Variants in ALX4 observed in about 807,000 individuals in gnomAD.
ALX4 encodes homeobox protein aristaless-like 4.
A neutral mutation model predicts 40.6 loss-of-function variants in ALX4; 22 were observed. The observed-to-expected ratio is 0.54, with a 90% confidence interval of 0.39 to 0.77. ALX4 has a LOEUF of 0.77. Among genes scored for constraint, ALX4 ranks in the 30% least tolerant of loss-of-function variants. ALX4 has a pLI of 0.00. For missense variants in ALX4, 556 were observed against 564.8 expected (o/e 0.98, Z 0.16); for synonymous variants, 266 against 240.5 (o/e 1.11, Z -0.98).
In ALX4 at chr11:44,302,848, G is replaced by C. The variant is rs926337040; in HGVS notation, c.466+6749C>G. Among the ~76,000 whole-genome samples the C allele has an allele frequency of 2.6e-5, 4 of 152,174 alleles. No homozygotes were observed. In the South Asian group the frequency reaches 8.3e-4, roughly 32 times the overall value. ...GTTTCTCCTGGACAAAAATGCGTGTGGGGGTGAGGAGGGAAGACAAAGGGG... is the reference window on the plus strand; with the variant it reads ...GTTTCTCCTGGACAAAAATGCGTGTCGGGGTGAGGAGGGAAGACAAAGGGG... On this transcript the variant is annotated intron_variant, in intron 1 of 3. Transcript: ENST00000652299.
intron 2 of ALX4, among the ~76,000 whole-genome samples, chr11:44,273,946 C>G (rs935481696): frequency 4.6e-5 from 7 of 151,994 alleles, no homozygotes; most frequent in African/African-American, 1.2e-4. Flanking sequence ...GAGAGAGACC[C>G]AGTCTCTTTA....
intron 1 of ALX4, among the ~76,000 whole-genome samples, chr11:44,306,408 G>C (rs574451537): frequency 4.1e-4 from 62 of 152,364 alleles, no homozygotes; most frequent in Non-Finnish European, 8.4e-4. Flanking sequence ...AGCTGCCCGG[G>C]GCACCTTCCT....
intron 2 of ALX4, among the ~76,000 whole-genome samples, chr11:44,269,483 CT>C (rs1452400368): frequency 1.3e-5 from 2 of 152,238 alleles, no homozygotes; most frequent in Admixed American, 6.5e-5. Flanking sequence ...TACCAACTCA[CT>C]TTCCCCTCCC....
intron 1 of ALX4, among the ~76,000 whole-genome samples, chr11:44,280,101 A>T (rs1956300595): frequency 6.6e-6 from 1 of 152,204 alleles, no homozygotes. Flanking sequence ...GGATACATTG[A>T]AAAAGGGCAC....
At chr11:44,282,512 C>T (rs368964767) in intron 1 of ALX4, among the ~76,000 whole-genome samples, 38 of 152,280 alleles carry the variant, frequency 2.5e-4, no homozygotes, top group African/African-American at 8.9e-4. Flanking sequence ...GAGAGGAACC[C>T]AAACCCATAG....
intron 2 of ALX4, among the ~76,000 whole-genome samples, chr11:44,269,384 A>G (rs1956231816): frequency 6.6e-6 from 1 of 152,186 alleles, no homozygotes; most frequent in African/African-American, 2.4e-5. Flanking sequence ...TAGAGGAAAG[A>G]GGTCAAGGAA....
At chr11:44,285,684 C>CTT (rs774475513) in intron 1 of ALX4, among the ~76,000 whole-genome samples, 185 of 144,458 alleles carry the variant, frequency 1.3e-3, no homozygotes, top group African/African-American at 4.2e-3. Context: ...CTTGTCTTTC[C>CTT]TTTTTTTTTT....
chr11:44,298,006 A>G (rs981836436), intron 1 of ALX4, among the ~76,000 whole-genome samples: 25 of 152,304 alleles, frequency 1.6e-4, no homozygotes, highest in Non-Finnish European at 3.2e-4. Flanking sequence ...GGCATGTAGC[A>G]CATTCTAACC....
Position 44,267,555 on chromosome 11 carries a change from C to G in ALX4, c.845G>C (p.Arg282Pro), listed in dbSNP as rs144440589. ...RERFGQMQQVRTHFSTAYELP... is the reference protein window; with the variant it reads ...RERFGQMQQVPTHFSTAYELP... Reference sequence around the variant, plus strand: ...CTCATATGCAGTGGAGAAGTGGGTTCGAACCTGCTGCATCTGCCCAAAACG... The same window carrying G: ...CTCATATGCAGTGGAGAAGTGGGTTGGAACCTGCTGCATCTGCCCAAAACG... Residue 282 changes from arginine to proline, a missense_variant, in exon 3 of 4, where the codon CGA (arginine) becomes CCA (proline). Physicochemically the swap from Arg to Pro is moderately radical, Grantham distance 103. Transcript: ENST00000652299. 3.1e-6 allele frequency: 5 copies of G among 1,614,006 alleles called. No individual in the cohort carries two copies. The highest frequency in any genetic ancestry group is 2.2e-5 in the East Asian group (1 of 44,890).
intron 1 of ALX4, among the ~76,000 whole-genome samples, chr11:44,280,737 T>C (rs1956305027): frequency 6.6e-6 from 1 of 152,228 alleles, no homozygotes; most frequent in Non-Finnish European, 1.5e-5. Flanking sequence ...GCACGCAGTG[T>C]GGCCATCATG....
In ALX4 at chr11:44,261,351, G is replaced by A. The variant is rs1267815315; in HGVS notation, c.*3503C>T. ...CCGAAATGACAGGAGATGGGGCACG[G>A]AGCTGGGTCCAGTGTGATCACAGCT... is the stretch of plus-strand genomic sequence containing the variant. On this transcript the variant is annotated 3_prime_UTR_variant, in exon 4 of 4. Transcript: ENST00000652299. 1 of 152,224 alleles carries A rather than the reference G, an allele frequency of 6.6e-6. No individual in the cohort carries two copies. The highest frequency in any genetic ancestry group is 6.5e-5 in the Admixed American group (1 of 15,288). The allele number at this position is 152,224 out of a possible 1,614,324, so 9.4% of individuals were successfully genotyped here.
intron 2 of ALX4, among the ~76,000 whole-genome samples, chr11:44,273,099 C>A (rs1327427219): frequency 6.6e-6 from 1 of 151,708 alleles, no homozygotes; most frequent in African/African-American, 2.4e-5. Context: ...ATTCAAGAGT[C>A]CCTGGGGCCT....
chr11:44,268,860 A>T (rs1355299937), intron 2 of ALX4, among the ~76,000 whole-genome samples: 1 of 152,200 alleles, frequency 6.6e-6, no homozygotes, highest in Non-Finnish European at 1.5e-5. Flanking sequence ...ACTCAGATGC[A>T]AGTGGGCACA....
intron 1 of ALX4, among the ~76,000 whole-genome samples, chr11:44,291,317 G>A (rs969547472): frequency 6.6e-6 from 1 of 152,206 alleles, no homozygotes; most frequent in Non-Finnish European, 1.5e-5. Context: ...GTGTTACGAG[G>A]CAGCGTTATC....
At position 44,309,848 on chromosome 11, in the gene ALX4, T is replaced by C; in HGVS notation, c.215A>G (p.Asp72Gly). 1.3e-6 allele frequency: 2 copies of C among 1,558,664 alleles called. No homozygotes were observed. Among genetic ancestry groups the C allele is most frequent in the South Asian group, 2.4e-5 (2 of 84,754 alleles). ...SRARYGAGQQ[D>G]LATPLESGAG... is the part of the protein sequence containing the mutation. Reference sequence around the variant, plus strand: ...TCCACTCTCCAGGGGTGTCGCCAGGTCCTGCTGCCCAGCGCCGTAACGGGC... The same window carrying C: ...TCCACTCTCCAGGGGTGTCGCCAGGCCCTGCTGCCCAGCGCCGTAACGGGC... Residue 72 changes from aspartate to glycine, a missense_variant, in exon 1 of 4, where the codon GAC becomes GGC. By Grantham distance (94) the Asp-to-Gly change is moderately conservative. Coordinates refer to ENST00000652299, the MANE Select transcript of ALX4 (RefSeq NM_021926.4).
rs542591808 is a variant in ALX4 at position 44,264,417 on chromosome 11, G to A, written c.*437C>T. ...CCTGTGCTTCAGACACACAGCCACC[G>A]GCCTGGTGACCAGGGGACCCCACTA... On this transcript the variant is annotated 3_prime_UTR_variant, in exon 4 of 4. Transcript: ENST00000652299. 69 of 181,070 alleles carry A rather than the reference G, an allele frequency of 3.8e-4. No individual in the cohort carries two copies. In the South Asian group the frequency reaches 7.9e-3, roughly 21 times the overall value. 11.2% of individuals were successfully genotyped at this position (181,070 alleles called of 1,614,324 possible). A position where few individuals can be genotyped will look rare whatever the true frequency, so the allele number is the denominator to read the frequency against.
At chr11:44,284,164 T>A (rs1956325505) in intron 1 of ALX4, among the ~76,000 whole-genome samples, 1 of 151,530 alleles carries the variant, frequency 6.6e-6, no homozygotes, top group Admixed American at 6.6e-5. Context: ...TACTACAAGT[T>A]TCCAGAAGTG....
intron 1 of ALX4, among the ~76,000 whole-genome samples, chr11:44,305,612 T>C (rs888143029): frequency 1.3e-5 from 2 of 152,214 alleles, no homozygotes; most frequent in African/African-American, 2.4e-5. Context: ...CCGGCAGAAT[T>C]TACACATTTC....
intron 1 of ALX4, 77 bp downstream of exon 1, chr11:44,309,520 A>G: frequency 6.6e-7 from 1 of 1,524,138 alleles, no homozygotes; most frequent in Non-Finnish European, 8.8e-7. Flanking sequence ...TACCTCCCGC[A>G]AGCCACCAGT....
Sources: allele counts gnomAD v4.1 joint callset (sites outside exome capture counted in the v4.1 genomes callset), GRCh38; gene constraint gnomAD v4.1.1; transcripts MANE v1.5; gene names NCBI Gene and HGNC (gene_info 2026-07-23, HGNC 2026-07-21).